Variants in PIEZO2 observed in about 807,000 individuals in gnomAD.
The protein encoded by PIEZO2 is piezo-type mechanosensitive ion channel component 2.
In PIEZO2, 172 loss-of-function variants were observed where a neutral mutation model predicts 337.3. That is an observed-to-expected ratio of 0.51 (90% confidence interval 0.45 to 0.58). The LOEUF (loss-of-function observed/expected upper bound fraction) is 0.58, where lower values mean the gene tolerates loss of function less well. Ranked by LOEUF, PIEZO2 falls within the 20% of genes least tolerant of loss-of-function variation. PIEZO2 has a pLI of 0.00. For synonymous variants in PIEZO2, 1,251 were observed against 1,228.5 expected (o/e 1.02, Z -0.38); for missense variants, 3,028 against 3,391.3 (o/e 0.89, Z 2.66).
In PIEZO2 at chr18:10,973,598, C is replaced by T. The variant is rs1490538771; in HGVS notation, c.286+5937G>A. ...CAGGTGGCCAGAAGTAAAGATATAG[C>T]TTGGACCAGTTTTTTAAATTGTTGT... On this transcript the variant is annotated intron_variant, in intron 3 of 55. Coordinates refer to ENST00000674853, the MANE Select transcript of PIEZO2 (RefSeq NM_001378183.1). This position sits in a 1 kb window ranked among gnomAD's most constrained non-coding sequence, Gnocchi z 4.9. 2.0e-5 allele frequency among the ~76,000 whole-genome samples: 3 copies of T among 152,184 alleles called. No individual in the cohort carries two copies. The highest frequency in any genetic ancestry group is 6.5e-5 in the Admixed American group (1 of 15,272).
At chr18:11,130,925 A>G (rs776530212) in intron 1 of PIEZO2, among the ~76,000 whole-genome samples, 23 of 152,216 alleles carry the variant, frequency 1.5e-4, no homozygotes, top group Non-Finnish European at 2.6e-4. Flanking sequence ...CTGCTGTACA[A>G]GCTGCTCTGC....
chr18:10,972,879 A>C (rs2034298677), intron 3 of PIEZO2, among the ~76,000 whole-genome samples: 1 of 152,182 alleles, frequency 6.6e-6, no homozygotes, highest in African/African-American at 2.4e-5. Flanking sequence ...TGGGTCAAGC[A>C]CAGTCCCAAG....
chr18:10,723,724 T>G (rs960660251), intron 36 of PIEZO2, among the ~76,000 whole-genome samples: 2 of 151,272 alleles, frequency 1.3e-5, no homozygotes, highest in Non-Finnish European at 3.0e-5. Flanking sequence ...TGGAACAGAG[T>G]TGGGGTGAGC....
chr18:10,957,063 G>T (rs893109931), intron 3 of PIEZO2, among the ~76,000 whole-genome samples: 4 of 151,592 alleles, frequency 2.6e-5, no homozygotes, highest in Non-Finnish European at 4.4e-5. Flanking sequence ...TTCAACAAAG[G>T]TGTCAAGAAC....
intron 1 of PIEZO2, among the ~76,000 whole-genome samples, chr18:11,130,025 G>C (rs541168617): frequency 1.3e-5 from 2 of 152,272 alleles, no homozygotes; most frequent in East Asian, 3.9e-4. Flanking sequence ...TACTATGGTG[G>C]GAAAGGTCAA....
In PIEZO2 at chr18:11,094,426, C is replaced by T. The variant is rs572648972; in HGVS notation, c.65-28204G>A. ...CGACTTTTCCACCATTTTACAGCTG[C>T]CTTCATGGGTAAAGCAACTTAGTTC... On this transcript the variant is annotated intron_variant, in intron 1 of 55. Transcript: ENST00000674853. This position sits in a 1 kb window ranked among gnomAD's most constrained non-coding sequence, Gnocchi z 4.4. Among the ~76,000 whole-genome samples, 1 of 152,232 alleles carries T rather than the reference C, an allele frequency of 6.6e-6. No individual in the cohort carries two copies. Among genetic ancestry groups the T allele is most frequent in the South Asian group, 2.1e-4 (1 of 4,824 alleles).
chr18:10,757,505 CAGAAGA>C (rs1598438731), intron 27 of PIEZO2, among the ~76,000 whole-genome samples: 1 of 26,930 alleles, frequency 3.7e-5, no homozygotes, highest in East Asian at 2.0e-3. Context: ...GTAGGAGAGA[CAGAAGA>C]TGAGGAGGAG....
chr18:10,830,471 T>G lies in PIEZO2; in HGVS notation c.918-23197A>C, dbSNP rs954089995. Reference sequence around the variant, plus strand: ...ACTGTCCTTTCCCCCCTTTTATGCCTCTGGTTGCACTTGAATAAAACTAGA... The same window carrying G: ...ACTGTCCTTTCCCCCCTTTTATGCCGCTGGTTGCACTTGAATAAAACTAGA... On this transcript the variant is annotated intron_variant, in intron 7 of 55. Coordinates refer to ENST00000674853, the MANE Select transcript of PIEZO2 (RefSeq NM_001378183.1). The surrounding 1 kb of genome is among the most constrained non-coding windows in gnomAD (Gnocchi z 4.7). Among the ~76,000 whole-genome samples the G allele has an allele frequency of 5.9e-5, 9 of 151,688 alleles. No homozygotes were observed. The highest frequency in any genetic ancestry group is 1.9e-4 in the African/African-American group (8 of 41,288).
At chr18:10,857,868 T>C (rs1159618373) in intron 5 of PIEZO2, among the ~76,000 whole-genome samples, 1 of 152,256 alleles carries the variant, frequency 6.6e-6, no homozygotes, top group East Asian at 1.9e-4. Context: ...TATTTCCATG[T>C]ATTATTTTAA....
rs566597391 is a variant in PIEZO2, at chr18:10,943,643, T to C, written c.287-32415A>G. ...ACTTGCCTTGTCTTGGATAATACTTTGCACTGTGGACTTTTGAGTTAATGA... is the reference window on the plus strand; with the variant it reads ...ACTTGCCTTGTCTTGGATAATACTTCGCACTGTGGACTTTTGAGTTAATGA... On this transcript the variant is annotated intron_variant, in intron 3 of 55. Coordinates refer to ENST00000674853, the MANE Select transcript of PIEZO2 (RefSeq NM_001378183.1). The surrounding 1 kb of genome is among the most constrained non-coding windows in gnomAD (Gnocchi z 4.5). 2.0e-5 allele frequency among the ~76,000 whole-genome samples: 3 copies of C among 152,318 alleles called. No homozygotes were observed. The highest frequency in any genetic ancestry group is 2.1e-4 in the South Asian group (1 of 4,822).
chr18:11,060,391 A>C (rs1042983840), intron 2 of PIEZO2, among the ~76,000 whole-genome samples: 1 of 152,214 alleles, frequency 6.6e-6, no homozygotes, highest in Admixed American at 6.5e-5. Context: ...AGCAGAAGGC[A>C]AGAAATAACT....
chr18:11,109,214 G>A lies in PIEZO2; in HGVS notation c.64+39311C>T, dbSNP rs7359786. 0.23 allele frequency among the ~76,000 whole-genome samples: 34,625 copies of A among 152,170 alleles called. 4,410 individuals carry two copies. The highest frequency in any genetic ancestry group is 0.33 in the South Asian group (1,602 of 4,824). Reference sequence around the variant, plus strand: ...CCATAACCTCATGGAAGTGCAGCTGGAGATTTTATTAGCACTTTATGGTCC... The same window carrying A: ...CCATAACCTCATGGAAGTGCAGCTGAAGATTTTATTAGCACTTTATGGTCC... On this transcript the variant is annotated intron_variant, in intron 1 of 55. Coordinates refer to ENST00000674853, the MANE Select transcript of PIEZO2 (RefSeq NM_001378183.1). This position sits in a 1 kb window ranked among gnomAD's most constrained non-coding sequence, Gnocchi z 5.1.
chr18:10,864,512 A>G (rs2041956570), intron 5 of PIEZO2, among the ~76,000 whole-genome samples: 2 of 152,266 alleles, frequency 1.3e-5, no homozygotes, highest in African/African-American at 4.8e-5. Context: ...AAAAAGGACA[A>G]AAGTCTTGGC....
chr18:10,718,064 G>A (rs2036086308), intron 37 of PIEZO2, 136 bp downstream of exon 37: 2 of 758,340 alleles, frequency 2.6e-6, no homozygotes, highest in South Asian at 1.8e-5. Context: ...AGATTCCAAG[G>A]GATACTGATT....
chr18:10,712,258 A>C (rs2035850604), intron 39 of PIEZO2, among the ~76,000 whole-genome samples: 1 of 152,224 alleles, frequency 6.6e-6, no homozygotes, highest in Admixed American at 6.5e-5. Context: ...GCAGGCTTTC[A>C]CAGACTTGCC....
Position 11,048,553 on chromosome 18 carries a change from T to G in PIEZO2, c.160+17574A>C, listed in dbSNP as rs1328922566. Reference sequence around the variant, plus strand: ...TGCCCAACATGCATAATCTCTACATTTATCTTCCCTCACTATTAATTTTAT... The same window carrying G: ...TGCCCAACATGCATAATCTCTACATGTATCTTCCCTCACTATTAATTTTAT... On this transcript the variant is annotated intron_variant, in intron 2 of 55. Transcript: ENST00000674853. This position sits in a 1 kb window ranked among gnomAD's most constrained non-coding sequence, Gnocchi z 4.5. Among the ~76,000 whole-genome samples, 1 of 152,218 alleles carries G rather than the reference T, an allele frequency of 6.6e-6. No homozygotes were observed. Among genetic ancestry groups the G allele is most frequent in the Non-Finnish European group, 1.5e-5 (1 of 68,028 alleles).
chr18:11,083,169 A>G lies in PIEZO2; in HGVS notation c.65-16947T>C, dbSNP rs1318056874. ...GCATACCTTGCCTGAAGCTGGTATA[A>G]AGACAGACTTCTCTTAGACAAATGT... On this transcript the variant is annotated intron_variant, in intron 1 of 55. Transcript: ENST00000674853. This position sits in a 1 kb window ranked among gnomAD's most constrained non-coding sequence, Gnocchi z 4.4. 6.6e-6 allele frequency among the ~76,000 whole-genome samples: 1 copy of G among 152,216 alleles called. No homozygotes were observed. The highest frequency in any genetic ancestry group is 1.5e-5 in the Non-Finnish European group (1 of 68,024).
chr18:11,136,735 C>T (rs2040500585), intron 1 of PIEZO2, among the ~76,000 whole-genome samples: 1 of 152,066 alleles, frequency 6.6e-6, no homozygotes, highest in Non-Finnish European at 1.5e-5. Flanking sequence ...GCGTAGGGAG[C>T]CCCAGTGTGA....
intron 37 of PIEZO2, 129 bp downstream of exon 37, chr18:10,718,071 G>T: frequency 1.2e-6 from 1 of 804,812 alleles, no homozygotes; most frequent in Non-Finnish European, 2.0e-6. Flanking sequence ...AAGGGATACT[G>T]ATTATTTACT....
Sources: allele counts gnomAD v4.1 joint callset (sites outside exome capture counted in the v4.1 genomes callset), GRCh38; gene constraint gnomAD v4.1.1; non-coding constraint Gnocchi (gnomAD v3.1); transcripts MANE v1.5; gene names NCBI Gene and HGNC (gene_info 2026-07-23, HGNC 2026-07-21).